Variants in FGF14 observed in about 807,000 individuals in gnomAD.
FGF14 encodes fibroblast growth factor homologous factor 4.
Under a neutral mutation model 25.5 loss-of-function variants are expected in FGF14, and 5 were observed. The observed-to-expected ratio is 0.20, with a 90% CI of 0.10 to 0.41. The LOEUF (loss-of-function observed/expected upper bound fraction) is 0.41. FGF14 is among the 10% of genes least tolerant of loss of function. The pLI, the probability that FGF14 is intolerant of heterozygous loss-of-function variation, is 1.00. For missense variants in FGF14, 222 were observed against 320.1 expected (o/e 0.69, Z 2.34); for synonymous variants, 138 against 118.3 (o/e 1.17, Z -1.08).
At chr13:102,348,070 C>T (rs574561979) in intron 1 of FGF14, among the ~76,000 whole-genome samples, 4 of 150,024 alleles carry the variant, frequency 2.7e-5, no homozygotes, top group Admixed American at 1.3e-4. Flanking sequence ...GCAAGAAATT[C>T]GCAGATAAGC....
chr13:102,059,310 T>G (rs963798795), intron 1 of FGF14, among the ~76,000 whole-genome samples: 1 of 152,172 alleles, frequency 6.6e-6, no homozygotes, highest in African/African-American at 2.4e-5. Flanking sequence ...CCAATGGCCT[T>G]TAGAATGCAC....
At chr13:101,904,789 C>T (rs2032027959) in intron 1 of FGF14, among the ~76,000 whole-genome samples, 1 of 152,146 alleles carries the variant, frequency 6.6e-6, no homozygotes, top group Admixed American at 6.5e-5. Flanking sequence ...TGTTTGGACA[C>T]TAAGGGCATT....
chr13:101,878,403 A>G (rs1262475770), intron 1 of FGF14, among the ~76,000 whole-genome samples: 3 of 152,140 alleles, frequency 2.0e-5, no homozygotes, highest in Non-Finnish European at 4.4e-5. Context: ...CTTCCTTTGG[A>G]CAATTTTATG....
chr13:102,240,635 T>C (rs2051550204), intron 1 of FGF14, among the ~76,000 whole-genome samples: 1 of 152,166 alleles, frequency 6.6e-6, no homozygotes, highest in South Asian at 2.1e-4. Flanking sequence ...TCAGTAAGTA[T>C]TGCTGGAAGA....
At chr13:101,741,921 A>C (rs1251422038) in intron 3 of FGF14, among the ~76,000 whole-genome samples, 1 of 152,212 alleles carries the variant, frequency 6.6e-6, no homozygotes, top group Non-Finnish European at 1.5e-5. Context: ...TAGGGGAATG[A>C]GTGGTCCCTG....
intron 1 of FGF14, among the ~76,000 whole-genome samples, chr13:102,249,866 CTCA>C (rs1179545626): frequency 1.3e-5 from 2 of 152,132 alleles, no homozygotes; most frequent in African/African-American, 4.8e-5. Context: ...CTTCCTCCTC[CTCA>C]TGAGAAATCT....
At chr13:101,881,494 A>G (rs2045708963) in intron 1 of FGF14, among the ~76,000 whole-genome samples, 1 of 152,208 alleles carries the variant, frequency 6.6e-6, no homozygotes, top group Non-Finnish European at 1.5e-5. Flanking sequence ...TTGTAATTAC[A>G]TATTTTCCAA....
intron 1 of FGF14, among the ~76,000 whole-genome samples, chr13:102,071,941 A>G (rs1374854704): frequency 1.3e-5 from 2 of 152,224 alleles, no homozygotes. Context: ...TATCAGGGCT[A>G]GAACAGCCGT....
intron 1 of FGF14, among the ~76,000 whole-genome samples, chr13:101,975,069 G>A (rs891444302): frequency 6.6e-6 from 1 of 152,060 alleles, no homozygotes; most frequent in Admixed American, 6.5e-5. Context: ...GTTGATTGAG[G>A]TGGCCCTGGC....
intron 3 of FGF14, among the ~76,000 whole-genome samples, chr13:101,729,947 A>C (rs886447156): frequency 1.9e-4 from 29 of 152,220 alleles, no homozygotes; most frequent in African/African-American, 5.3e-4. Context: ...GTATTGTGAA[A>C]GGCAAGAGGT....
Position 101,721,497 on chromosome 13 carries a change from C to T in FGF14, c.*1334G>A, listed in dbSNP as rs1006313806. ...GTATTCTGAGATCATGGCAAGGCAC[C>T]TCTAACCCAGCCACTGGGCAACATG... On this transcript the variant is annotated 3_prime_UTR_variant, in exon 5 of 5. Transcript: ENST00000376143. The T allele has an allele frequency of 6.6e-6, 1 of 152,052 alleles. No individual in the cohort carries two copies. The highest frequency in any genetic ancestry group is 6.6e-5 in the Admixed American group (1 of 15,260). 9.4% of individuals were successfully genotyped at this position (152,052 alleles called of 1,614,324 possible).
chr13:102,114,273 T>C (rs923201583), intron 1 of FGF14, among the ~76,000 whole-genome samples: 5 of 152,212 alleles, frequency 3.3e-5, no homozygotes, highest in Non-Finnish European at 7.3e-5. Flanking sequence ...TTGGGTACTA[T>C]TGAGTTGTAG....
At chr13:101,745,663 C>G (rs1395032800) in intron 3 of FGF14, among the ~76,000 whole-genome samples, 2 of 152,006 alleles carry the variant, frequency 1.3e-5, no homozygotes, top group Non-Finnish European at 2.9e-5. Flanking sequence ...ATTTAAGCTC[C>G]CTTCATCTCT....
chr13:101,823,821 CT>C (rs2042275578), intron 3 of FGF14, among the ~76,000 whole-genome samples: 1 of 149,372 alleles, frequency 6.7e-6, no homozygotes, highest in Non-Finnish European at 1.5e-5. Flanking sequence ...GTACATATAT[CT>C]TTTATATATA....
intron 1 of FGF14, among the ~76,000 whole-genome samples, chr13:101,878,613 C>A (rs2138773673): frequency 6.6e-6 from 1 of 152,146 alleles, no homozygotes; most frequent in South Asian, 2.1e-4. Context: ...TGAGATTTTT[C>A]TTTTACATGG....
At chr13:101,957,843 A>G (rs1304469781) in intron 1 of FGF14, among the ~76,000 whole-genome samples, 1 of 152,134 alleles carries the variant, frequency 6.6e-6, no homozygotes, top group Admixed American at 6.6e-5. Flanking sequence ...CACGTTATAT[A>G]TGATCACATG....
chr13:102,178,800 T>C (rs2048549785), intron 1 of FGF14, among the ~76,000 whole-genome samples: 2 of 152,226 alleles, frequency 1.3e-5, no homozygotes, highest in South Asian at 4.1e-4. Context: ...AGTTGTGAGA[T>C]ATATATATGT....
intron 3 of FGF14, among the ~76,000 whole-genome samples, chr13:101,739,155 C>T (rs978037884): frequency 5.4e-5 from 8 of 147,338 alleles, no homozygotes; most frequent in African/African-American, 1.5e-4. Context: ...TAAAATTGGT[C>T]TACCAGATAT....
At chr13:101,996,930 T>C (rs2039217156) in intron 1 of FGF14, among the ~76,000 whole-genome samples, 2 of 152,258 alleles carry the variant, frequency 1.3e-5, no homozygotes, top group Non-Finnish European at 2.9e-5. Flanking sequence ...TGCTCTCTGA[T>C]GCCTGGCATA....
Sources: allele counts gnomAD v4.1 joint callset (sites outside exome capture counted in the v4.1 genomes callset), GRCh38; gene constraint gnomAD v4.1.1; transcripts MANE v1.5; gene names NCBI Gene and HGNC (gene_info 2026-07-23, HGNC 2026-07-21).